RC3H1: variants seen among roughly 807,000 people sequenced by gnomAD.
RC3H1 encodes ring finger and CCCH-type domains 1.
In RC3H1, 50 loss-of-function variants were observed where a neutral mutation model predicts 138.2. That is an observed-to-expected ratio of 0.36 (90% CI 0.29 to 0.46). The LOEUF (loss-of-function observed/expected upper bound fraction) is 0.46, where lower values mean the gene tolerates loss of function less well. Ranked by LOEUF, RC3H1 falls within the 20% of genes least tolerant of loss-of-function variation. RC3H1 has a pLI of 1.00. For synonymous variants in RC3H1, 462 were observed against 489.1 expected (o/e 0.94, Z 0.73); for missense variants, 1,031 against 1,388.1 (o/e 0.74, Z 4.09).
At chr1:174,008,019 T>C (rs1661684260) in intron 1 of RC3H1, among the ~76,000 whole-genome samples, 1 of 152,204 alleles carries the variant, frequency 6.6e-6, no homozygotes, top group African/African-American at 2.4e-5. Flanking sequence ...ACAGCATATG[T>C]GTCACACACT....
Position 173,931,423 on chromosome 1 carries a change from A to AT in RC3H1, c.*7297dup, listed in dbSNP as rs1209521142. ...TTTCCAAGGTAATAAAGGAAATAGC[A>AT]TTTTAACAAAATGGGCATCTTTGAT... On this transcript the variant is annotated 3_prime_UTR_variant, in exon 20 of 20. Transcript: ENST00000367696. The AT allele has an allele frequency of 1.3e-5, 2 of 152,222 alleles. No individual in the cohort carries two copies. Among genetic ancestry groups the AT allele is most frequent in the African/African-American group, 4.8e-5 (2 of 41,466 alleles). 9.4% of individuals were successfully genotyped at this position (152,222 alleles called of 1,614,324 possible).
chr1:173,979,074 C>T (rs922145282), intron 6 of RC3H1, among the ~76,000 whole-genome samples: 20 of 152,098 alleles, frequency 1.3e-4, no homozygotes, highest in African/African-American at 2.4e-4. Context: ...TCAGTTCATC[C>T]GTTGCAAAAG....
intron 1 of RC3H1, among the ~76,000 whole-genome samples, chr1:173,993,535 A>C (rs564080103): frequency 4.9e-4 from 75 of 151,608 alleles, no homozygotes; most frequent in Non-Finnish European, 5.7e-4. Flanking sequence ...CTGAGATTAC[A>C]GGCATGCACC....
At chr1:173,966,530 T>C (rs775473541) in intron 9 of RC3H1, among the ~76,000 whole-genome samples, 2 of 151,572 alleles carry the variant, frequency 1.3e-5, no homozygotes, top group Non-Finnish European at 2.9e-5. Flanking sequence ...GCCTGACCAA[T>C]ATGGTGAAAC....
intron 1 of RC3H1, among the ~76,000 whole-genome samples, chr1:174,006,489 T>C (rs537273942): frequency 6.6e-6 from 1 of 152,298 alleles, no homozygotes; most frequent in East Asian, 1.9e-4. Context: ...GCTAACTTAG[T>C]GATTTAGTCA....
At chr1:173,974,225 A>G (rs1418982769) in intron 7 of RC3H1, among the ~76,000 whole-genome samples, 2 of 135,578 alleles carry the variant, frequency 1.5e-5, no homozygotes, top group African/African-American at 5.5e-5. Context: ...GGTTGCAGTG[A>G]GCTGAGATTG....
At chr1:173,954,538 C>T (rs1659553549) in intron 13 of RC3H1, among the ~76,000 whole-genome samples, 1 of 152,106 alleles carries the variant, frequency 6.6e-6, no homozygotes, top group Non-Finnish European at 1.5e-5. Flanking sequence ...TAATAATTTA[C>T]TATATATTTT....
chr1:174,001,770 C>A (rs1661568835), intron 1 of RC3H1, among the ~76,000 whole-genome samples: 1 of 152,070 alleles, frequency 6.6e-6, no homozygotes, highest in African/African-American at 2.4e-5. Context: ...GGAAAATTTA[C>A]CGATTAAGCA....
At chr1:173,981,765 G>C (rs1660829646) in intron 5 of RC3H1, among the ~76,000 whole-genome samples, 1 of 152,064 alleles carries the variant, frequency 6.6e-6, no homozygotes, top group African/African-American at 2.4e-5. Context: ...TGAGATGCTA[G>C]ACTAGAATAA....
At chr1:173,973,684 A>G (rs1318553732) in intron 7 of RC3H1, among the ~76,000 whole-genome samples, 1 of 152,222 alleles carries the variant, frequency 6.6e-6, no homozygotes, top group East Asian at 1.9e-4. Flanking sequence ...TCTTTAAAAG[A>G]AATATGTAAA....
intron 14 of RC3H1, among the ~76,000 whole-genome samples, chr1:173,950,419 C>CGAAAAAA: frequency 1.1e-5 from 1 of 90,542 alleles, no homozygotes; most frequent in African/African-American, 9.4e-5. Flanking sequence ...CTCATCTCTA[C>CGAAAAAA]CAAAAAAAAA....
chr1:173,992,644 T>A (rs1029056209), intron 2 of RC3H1, 111 bp downstream of exon 2: 1 of 771,812 alleles, frequency 1.3e-6, no homozygotes, highest in African/African-American at 1.7e-5. Flanking sequence ...ATTCAACAGG[T>A]TTCTCTCAGG....
Position 173,937,796 on chromosome 1 carries a change from C to A in RC3H1, c.*925G>T, listed in dbSNP as rs1658666923. 6.6e-6 allele frequency: 1 copy of A among 152,136 alleles called. No individual in the cohort carries two copies. The highest frequency in any genetic ancestry group is 2.4e-5 in the African/African-American group (1 of 41,424). 9.4% of individuals were successfully genotyped at this position (152,136 alleles called of 1,614,324 possible). On this transcript the variant is annotated 3_prime_UTR_variant, in exon 20 of 20. Transcript: ENST00000367696. ...GTTGATTGTCCTTGTTTTTTAGCAT[C>A]CTATGATGTCAGCAAAAGTTTAATT...
chr1:173,965,406 C>T (rs1213895029), intron 9 of RC3H1, among the ~76,000 whole-genome samples: 3 of 152,010 alleles, frequency 2.0e-5, no homozygotes, highest in African/African-American at 7.2e-5. Context: ...GTCTGGCCAA[C>T]ATGGTGAAGC....
At chr1:174,007,015 A>G (rs988006000) in intron 1 of RC3H1, among the ~76,000 whole-genome samples, 10 of 152,214 alleles carry the variant, frequency 6.6e-5, no homozygotes, top group African/African-American at 2.2e-4. Context: ...ATCCCTCCCA[A>G]TGATTACTCC....
At chr1:173,998,824 G>T (rs1230700478) in intron 1 of RC3H1, among the ~76,000 whole-genome samples, 1 of 152,128 alleles carries the variant, frequency 6.6e-6, no homozygotes, top group African/African-American at 2.4e-5. Flanking sequence ...AGGTGCTGTG[G>T]TTCACGCCTG....
At position 173,978,514 on chromosome 1, in the gene RC3H1, A is replaced by G. The variant is rs1385940301; in HGVS notation, c.1076T>C (p.Leu359Pro). The G allele has an allele frequency of 3.7e-6, 6 of 1,614,074 alleles. No individual in the cohort carries two copies. The highest frequency in any genetic ancestry group is 5.1e-6 in the Non-Finnish European group (6 of 1,179,970). Residue 359 changes from leucine (L) to proline (P), a missense_variant, in exon 7 of 20, where the codon CTG (leucine) becomes CCG (proline). By Grantham distance (98) the Leu-to-Pro change is moderately conservative. Around this residue, in one of 7 missense-constraint regions of RC3H1, gnomAD observed 142 missense variants for 224.6 expected, o/e 0.63. Coordinates refer to ENST00000367696, the MANE Select transcript of RC3H1 (RefSeq NM_172071.4). ...NLNRLRPHLE[L>P]LANIDPSPDA... ...TGGACTAGGGTCAATGTTTGCTAAC[A>G]GCTCCAAATGGGGTCTTAGTCGGTT...
intron 1 of RC3H1, among the ~76,000 whole-genome samples, chr1:173,998,815 G>A (rs1661509342): frequency 6.6e-6 from 1 of 152,080 alleles, no homozygotes; most frequent in Non-Finnish European, 1.5e-5. Flanking sequence ...ATTTCAGCTA[G>A]GTGCTGTGGT....
At chr1:173,987,469 T>C (rs1415363913) in intron 2 of RC3H1, among the ~76,000 whole-genome samples, 1 of 152,208 alleles carries the variant, frequency 6.6e-6, no homozygotes. Flanking sequence ...TAGCCCCCAT[T>C]ACTCTGTGTA....
Sources: allele counts gnomAD v4.1 joint callset (sites outside exome capture counted in the v4.1 genomes callset), GRCh38; gene constraint gnomAD v4.1.1; regional missense constraint gnomAD v4.1.1; transcripts MANE v1.5; gene names NCBI Gene and HGNC (gene_info 2026-07-23, HGNC 2026-07-21).